Variants in USP48 observed in about 807,000 individuals in gnomAD.
USP48 encodes ubiquitin specific peptidase 48, also known as ubiquitin carboxyl-terminal hydrolase 48.
In USP48, 43 loss-of-function variants were observed where a neutral mutation model predicts 150.7. The observed-to-expected ratio is 0.29, with a 90% CI of 0.22 to 0.37. The LOEUF is 0.37. Ranked by LOEUF, USP48 falls within the 10% of genes least tolerant of loss-of-function variation. The pLI is 1.00. For synonymous variants in USP48, 396 were observed against 425.9 expected (o/e 0.93, Z 0.86); for missense variants, 813 against 1,249.6 (o/e 0.65, Z 5.27).
chr1:21,779,880 C>A (rs2097910218), intron 1 of USP48, among the ~76,000 whole-genome samples: 1 of 152,090 alleles, frequency 6.6e-6, no homozygotes, highest in Non-Finnish European at 1.5e-5. Context: ...TCACTTCACA[C>A]CCAAGTAGGA....
intron 1 of USP48, among the ~76,000 whole-genome samples, chr1:21,764,742 A>C (rs954802006): frequency 1.3e-5 from 2 of 150,642 alleles, no homozygotes; most frequent in South Asian, 2.1e-4. Flanking sequence ...ACTTGATTAC[A>C]TAGGCATGAC....
chr1:21,755,403 A>G (rs1464516367), intron 3 of USP48, among the ~76,000 whole-genome samples: 1 of 152,066 alleles, frequency 6.6e-6, no homozygotes, highest in African/African-American at 2.4e-5. Context: ...TCCAAAAAAA[A>G]CACAAAAATT....
At chr1:21,715,696 GCTT>G (rs1374305303) in intron 14 of USP48, among the ~76,000 whole-genome samples, 3 of 152,136 alleles carry the variant, frequency 2.0e-5, no homozygotes, top group Non-Finnish European at 4.4e-5. Flanking sequence ...AAGAAAATGT[GCTT>G]TTTTAAATTC....
intron 24 of USP48, among the ~76,000 whole-genome samples, chr1:21,688,842 C>A (rs1198415796): frequency 4.2e-3 from 372 of 88,748 alleles, no homozygotes; most frequent in Middle Eastern, 0.011. Flanking sequence ...GACTCCATCT[C>A]AAAAAAAAAA....
intron 23 of USP48, among the ~76,000 whole-genome samples, chr1:21,694,600 A>AAAC (rs2097618887): frequency 1.2e-5 from 1 of 84,192 alleles, no homozygotes; most frequent in South Asian, 3.8e-4. Flanking sequence ...AAAAAAAAAA[A>AAAC]AAAAAAACCC....
At chr1:21,713,561 C>T (rs1482767516) in intron 15 of USP48, among the ~76,000 whole-genome samples, 3 of 152,278 alleles carry the variant, frequency 2.0e-5, no homozygotes, top group East Asian at 3.9e-4. Context: ...CTAAGGAGCA[C>T]GAGGGCAATC....
intron 13 of USP48, 150 bp from the exon 14 acceptor site, chr1:21,721,316 G>T (rs565457960): frequency 4.3e-6 from 5 of 1,160,348 alleles, no homozygotes; most frequent in Middle Eastern, 2.0e-4. Context: ...TCCTAATTTC[G>T]GTCATTTTCT....
chr1:21,702,588 T>C (rs2097660370), intron 21 of USP48, among the ~76,000 whole-genome samples: 1 of 151,636 alleles, frequency 6.6e-6, no homozygotes, highest in Admixed American at 6.6e-5. Context: ...AAACTATAAA[T>C]CAGATCATAT....
At position 21,715,903 on chromosome 1, in the gene USP48, G is replaced by T. The variant is rs139473882; in HGVS notation, c.1895-446C>A. Among the ~76,000 whole-genome samples the T allele has an allele frequency of 1.8e-3, 278 of 152,224 alleles. 2 individuals carry two copies. The highest frequency in any genetic ancestry group is 6.2e-3 in the African/African-American group (257 of 41,516). On this transcript the variant is annotated intron_variant, in intron 14 of 26. Transcript: ENST00000308271. The stretch of plus-strand genomic sequence containing the variant: ...ATCATCAAACAGAGTACTCCCCGCT[G>T]ATCAGTCAGGGCATATGTTCTAAGA...
intron 8 of USP48, among the ~76,000 whole-genome samples, chr1:21,739,676 T>C (rs2097776876): frequency 6.6e-6 from 1 of 152,318 alleles, no homozygotes; most frequent in East Asian, 1.9e-4. Flanking sequence ...ATTTTAGCTA[T>C]TTCAAAATGC....
intron 15 of USP48, among the ~76,000 whole-genome samples, chr1:21,711,499 C>G (rs2097690121): frequency 6.6e-6 from 1 of 152,184 alleles, no homozygotes; most frequent in African/African-American, 2.4e-5. Flanking sequence ...CAAGCTGAGA[C>G]AGGGATAATT....
chr1:21,693,646 A>T (rs1469292492), intron 23 of USP48, among the ~76,000 whole-genome samples: 2 of 152,260 alleles, frequency 1.3e-5, no homozygotes, highest in African/African-American at 4.8e-5. Context: ...ACAGGCTTTT[A>T]AAAATGTCTT....
At chr1:21,690,248 T>C (rs908192853) in intron 23 of USP48, 149 bp from the exon 24 acceptor site, 3 of 934,920 alleles carry the variant, frequency 3.2e-6, no homozygotes, top group African/African-American at 3.3e-5. Context: ...CTACTTGTTA[T>C]ACTCCTACTG....
intron 25 of USP48, 195 bp downstream of exon 25, chr1:21,686,991 CAGGTT>C: frequency 1.7e-6 from 1 of 586,192 alleles, no homozygotes. Context: ...TCAGTTTCCT[CAGGTT>C]AGCTTTCCAA....
At chr1:21,748,402 T>C (rs971356545) in intron 6 of USP48, 131 bp from the exon 7 acceptor site, 11 of 789,110 alleles carry the variant, frequency 1.4e-5, no homozygotes, top group African/African-American at 1.2e-4. Flanking sequence ...ACAGCTACTA[T>C]AAATAATGGA....
At chr1:21,747,708 G>C (rs188946814) in intron 7 of USP48, among the ~76,000 whole-genome samples, 28 of 152,170 alleles carry the variant, frequency 1.8e-4, no homozygotes, top group African/African-American at 6.0e-4. Context: ...CAGTAGCTGG[G>C]ATTACAGGCG....
chr1:21,715,065 TAA>T (rs2097700610), intron 15 of USP48: 1 of 225,242 alleles, frequency 4.4e-6, no homozygotes, highest in African/African-American at 2.4e-5. Context: ...GTTGCACAGA[TAA>T]AAAAATAAAT....
At chr1:21,718,652 G>A (rs974425386) in intron 14 of USP48, among the ~76,000 whole-genome samples, 3 of 150,622 alleles carry the variant, frequency 2.0e-5, no homozygotes, top group African/African-American at 4.9e-5. Context: ...TCCTCCTCCC[G>A]GATTCAAATG....
In USP48 at chr1:21,738,443, C is replaced by A. The variant is rs182863445; in HGVS notation, c.992-1818G>T. ...TGATCTCGGCCCACTGCAACCTCCG[C>A]CCCCCTGGGGTCATGCGATTCTCTT... On this transcript the variant is annotated intron_variant, in intron 8 of 26. Transcript: ENST00000308271. Among the ~76,000 whole-genome samples, 27 of 149,600 alleles carry A rather than the reference C, an allele frequency of 1.8e-4. 1 individual carries two copies. In the East Asian group the frequency reaches 5.2e-3, roughly 29 times the overall value.
Sources: gnomAD v4.1 joint callset for allele counts (sites outside exome capture counted in the v4.1 genomes callset) on GRCh38, gnomAD v4.1.1 for gene constraint, MANE v1.5 for transcripts, NCBI Gene and HGNC (gene_info 2026-07-23, HGNC 2026-07-21) for gene names.